Variants in TMEM117 observed in about 807,000 individuals in gnomAD.
The protein encoded by TMEM117 is transmembrane protein 117.
TMEM117 carries 27 observed loss-of-function variants against 52.4 expected under a neutral mutation model. The ratio of observed to expected loss-of-function variants is 0.51; its 90% confidence interval spans 0.38 to 0.71. The LOEUF (loss-of-function observed/expected upper bound fraction) is 0.71. Among genes scored for constraint, TMEM117 ranks in the 30% least tolerant of loss-of-function variants. The pLI is 0.00. For missense variants in TMEM117, 556 were observed against 630.5 expected (o/e 0.88, Z 1.26); for synonymous variants, 215 against 206.3 (o/e 1.04, Z -0.36).
chr12:44,081,180 C>G (rs80286252), intron 3 of TMEM117, among the ~76,000 whole-genome samples: 1 of 152,072 alleles, frequency 6.6e-6, no homozygotes, highest in Non-Finnish European at 1.5e-5. Flanking sequence ...ACACATGAAG[C>G]AGAAAAATAT....
intron 3 of TMEM117, among the ~76,000 whole-genome samples, chr12:44,080,788 A>T (rs1160733965): frequency 6.6e-6 from 1 of 152,212 alleles, no homozygotes; most frequent in Non-Finnish European, 1.5e-5. Flanking sequence ...GAACACAGTC[A>T]TGTTCGTTCA....
At chr12:44,150,891 A>G (rs1248282723) in intron 4 of TMEM117, among the ~76,000 whole-genome samples, 11 of 152,186 alleles carry the variant, frequency 7.2e-5, no homozygotes, top group Admixed American at 2.6e-4. Flanking sequence ...ACTATAATGT[A>G]TAGACACTTA....
intron 2 of TMEM117, among the ~76,000 whole-genome samples, chr12:43,936,789 A>G (rs947203546): frequency 6.6e-6 from 1 of 152,200 alleles, no homozygotes; most frequent in African/African-American, 2.4e-5. Flanking sequence ...GTGGAGGTCA[A>G]TGCATTTGCC....
chr12:43,927,808 C>T (rs1045070891), intron 2 of TMEM117, among the ~76,000 whole-genome samples: 4 of 151,958 alleles, frequency 2.6e-5, no homozygotes, highest in Non-Finnish European at 1.5e-5. Context: ...TTAGTCATAT[C>T]TCTTGCAAAC....
At chr12:43,925,139 A>T (rs1489801757) in intron 2 of TMEM117, among the ~76,000 whole-genome samples, 1 of 152,068 alleles carries the variant, frequency 6.6e-6, no homozygotes, top group Non-Finnish European at 1.5e-5. Context: ...GGAAACTACG[A>T]TAACTTTCAC....
rs532788269 is a variant in TMEM117 at position 43,983,051 on chromosome 12, T to C, written c.410+38709T>C. Among the ~76,000 whole-genome samples the C allele has an allele frequency of 7.7e-4, 118 of 152,328 alleles. 1 individual carries two copies. In the South Asian group the frequency reaches 0.02, roughly 25 times the overall value. Reference sequence around the variant, plus strand: ...TAGAAGCTTGAAACAGCAGCCATTTTATTTGATTGCTGATCTGTGGGCCAG... The same window carrying C: ...TAGAAGCTTGAAACAGCAGCCATTTCATTTGATTGCTGATCTGTGGGCCAG... On this transcript the variant is annotated intron_variant, in intron 3 of 7. Coordinates refer to ENST00000266534, the MANE Select transcript of TMEM117 (RefSeq NM_032256.3).
chr12:44,151,522 A>T (rs1310062869), intron 4 of TMEM117, among the ~76,000 whole-genome samples: 1 of 73,152 alleles, frequency 1.4e-5, no homozygotes, highest in African/African-American at 5.4e-5. Flanking sequence ...CCCCCACCCC[A>T]CAACAGTCCC....
At chr12:43,807,496 TTCCTGACAC>T in the TMEM117 span, among the ~76,000 whole-genome samples, 1 of 152,230 alleles carries the variant, frequency 6.6e-6, no homozygotes, top group East Asian at 1.9e-4. Flanking sequence ...AATCAAATTC[TTCCTGACAC>T]AATGGTTCAC....
At chr12:43,802,468 T>A in the TMEM117 span, 1 of 1,598,714 alleles carries the variant, frequency 6.3e-7, no homozygotes, top group South Asian at 1.1e-5. Context: ...AGTTGCTCTA[T>A]GAAAAATTAT....
Position 43,912,510 on chromosome 12 carries a change from TATATA to T in TMEM117, c.278-31699_278-31695del, listed in dbSNP as rs1565747547. On this transcript the variant is annotated intron_variant, in intron 2 of 7. Transcript: ENST00000266534. ...CTTAAAGTATAATAATAATAATTTA[TATATA>T]TATATATATATATATATATATGGCA... 1.1e-3 allele frequency among the ~76,000 whole-genome samples: 16 copies of T among 14,764 alleles called. No individual in the cohort carries two copies. In the Non-Finnish European group the frequency reaches 0.017, roughly 16 times the overall value. The allele number at this position is 14,764 out of a possible 152,430, so 9.7% of individuals were successfully genotyped here.
chr12:44,136,254 C>T (rs1948488521), intron 3 of TMEM117, among the ~76,000 whole-genome samples: 1 of 152,050 alleles, frequency 6.6e-6, no homozygotes, highest in Non-Finnish European at 1.5e-5. Context: ...TATCATTTTT[C>T]TAATAACTTT....
At chr12:44,014,841 G>T (rs750517902) in intron 3 of TMEM117, among the ~76,000 whole-genome samples, 2 of 150,970 alleles carry the variant, frequency 1.3e-5, no homozygotes, top group African/African-American at 4.9e-5. Context: ...TTGTTGTACC[G>T]TTTTTTTTCT....
chr12:43,816,774 A>T, the TMEM117 span, among the ~76,000 whole-genome samples: 2 of 152,260 alleles, frequency 1.3e-5, no homozygotes, highest in Non-Finnish European at 2.9e-5. Context: ...AAAATGAAAC[A>T]TCAATATTGT....
chr12:44,394,826 C>G, the TMEM117 span, among the ~76,000 whole-genome samples: 1 of 152,262 alleles, frequency 6.6e-6, no homozygotes, highest in African/African-American at 2.4e-5. Context: ...TTGAGGTAGC[C>G]ACTTCTGAAT....
At chr12:44,207,183 A>G (rs920737093) in intron 4 of TMEM117, among the ~76,000 whole-genome samples, 53 of 152,188 alleles carry the variant, frequency 3.5e-4, no homozygotes, top group African/African-American at 1.1e-3. Flanking sequence ...TTTATCTTAA[A>G]TGATACTCCA....
At chr12:43,889,576 G>A (rs1944064625) in intron 2 of TMEM117, among the ~76,000 whole-genome samples, 1 of 152,248 alleles carries the variant, frequency 6.6e-6, no homozygotes, top group Non-Finnish European at 1.5e-5. Context: ...ACCAGTCTGC[G>A]ACCCAGAGGT....
intron 4 of TMEM117, among the ~76,000 whole-genome samples, chr12:44,198,165 T>C (rs181619066): frequency 6.6e-6 from 1 of 152,174 alleles, no homozygotes; most frequent in East Asian, 1.9e-4. Context: ...GGAAGTGATA[T>C]TGTGTAAGAC....
chr12:44,334,885 T>C (rs1350535462), intron 6 of TMEM117, among the ~76,000 whole-genome samples: 1 of 151,920 alleles, frequency 6.6e-6, no homozygotes, highest in Non-Finnish European at 1.5e-5. Flanking sequence ...AAAAAGTATA[T>C]AGAATGGCCT....
intron 3 of TMEM117, among the ~76,000 whole-genome samples, chr12:43,985,380 T>C (rs1172998516): frequency 4.6e-5 from 7 of 151,654 alleles, no homozygotes; most frequent in Non-Finnish European, 8.8e-5. Context: ...AAAGGTGATA[T>C]ACTTTTAAAA....
Sources: allele counts gnomAD v4.1 joint callset (sites outside exome capture counted in the v4.1 genomes callset), GRCh38; gene constraint gnomAD v4.1.1; transcripts MANE v1.5; gene names NCBI Gene and HGNC (gene_info 2026-07-23, HGNC 2026-07-21).